FMN1: variants seen among roughly 807,000 people sequenced by gnomAD.
The protein encoded by FMN1 is formin 1.
A neutral mutation model predicts 132.4 loss-of-function variants in FMN1; 110 were observed. That is an observed-to-expected ratio of 0.83 (90% CI 0.71 to 0.97). The LOEUF (loss-of-function observed/expected upper bound fraction) is 0.97. Ranked by LOEUF, FMN1 falls within the 50% of genes least tolerant of loss-of-function variation. The pLI is 0.00. For synonymous variants in FMN1, 722 were observed against 651.7 expected (o/e 1.11, Z -1.64); for missense variants, 1,792 against 1,705.3 (o/e 1.05, Z -0.90).
intron 4 of FMN1, among the ~76,000 whole-genome samples, chr15:33,124,848 A>AT (rs56689144): frequency 9.2e-4 from 135 of 146,858 alleles, no homozygotes; most frequent in African/African-American, 1.9e-3. Context: ...ATTTTTCTGC[A>AT]TTTTTTTTTT....
chr15:32,858,055 CCATAAAGATATCAT>C (rs1479218632), intron 16 of FMN1, among the ~76,000 whole-genome samples: 1 of 152,174 alleles, frequency 6.6e-6, no homozygotes, highest in Non-Finnish European at 1.5e-5. Context: ...CTGGATTTCA[CCATAAAGATATCAT>C]GCCACCTGGG....
At chr15:33,011,793 A>T (rs760241059) in intron 6 of FMN1, among the ~76,000 whole-genome samples, 13 of 152,196 alleles carry the variant, frequency 8.5e-5, no homozygotes, top group Admixed American at 8.5e-4. Flanking sequence ...AAAAAGCATC[A>T]ACAGGCGCTC....
rs569942155 is a variant in FMN1 at position 33,110,788 on chromosome 15, CTGT to C, written c.1868-21817_1868-21815del. Among the ~76,000 whole-genome samples the C allele has an allele frequency of 1.2e-3, 178 of 151,450 alleles. 1 individual carries two copies. In the Middle Eastern group the frequency reaches 0.017, roughly 15 times the overall value. Reference sequence around the variant, plus strand: ...TTTGCTATTCCTTTAGCCATTTTCTCTGTTATTAAAACAAAAATAAGAACAACT... The same window carrying C: ...TTTGCTATTCCTTTAGCCATTTTCTCTATTAAAACAAAAATAAGAACAACT... On this transcript the variant is annotated intron_variant, in intron 4 of 20. Transcript: ENST00000616417.
chr15:33,067,579 T>C (rs2037803071), intron 5 of FMN1: 3 of 1,613,898 alleles, frequency 1.9e-6, no homozygotes, highest in Admixed American at 1.7e-5. Flanking sequence ...CCTCTGATTC[T>C]GTCTCCACGC....
rs750275479 is a variant in FMN1, at chr15:32,855,157, T to TAA, written c.3928+1856_3928+1857dup. On this transcript the variant is annotated intron_variant, in intron 17 of 20. Transcript: ENST00000616417. ...TTCCACACTGGAATTACGTGGAGAG[T>TAA]AAAAAAAAAAAAAAAAAAAAAAAAA... Among the ~76,000 whole-genome samples, 144 of 85,486 alleles carry TAA rather than the reference T, an allele frequency of 1.7e-3. 1 individual carries two copies. The highest frequency in any genetic ancestry group is 2.6e-3 in the African/African-American group (64 of 24,772). The allele number at this position is 85,486 out of a possible 152,430, so 56.1% of individuals were successfully genotyped here.
chr15:32,968,884 A>C lies in FMN1; in HGVS notation c.2817T>G (p.Pro939=). The change falls in exon 8 of 21, where the codon CCT becomes CCG. Residue 939 remains proline (P), a synonymous_variant. Coordinates refer to ENST00000616417, the MANE Select transcript of FMN1 (RefSeq NM_001277313.2). ...PLPNSPAPPN[P]GGPPPAPPPP... is the part of the protein sequence containing the mutation. ...GTGGTGGAGCAGGAGGAGGCCCTCC[A>C]GGGTTGGGTGGGGCAGGGGAGTTAG... 1 of 338,242 alleles carries C rather than the reference A, an allele frequency of 3.0e-6. No homozygotes were observed. Among genetic ancestry groups the C allele is most frequent in the Non-Finnish European group, 4.5e-6 (1 of 221,976 alleles). 21.0% of individuals were successfully genotyped at this position (338,242 alleles called of 1,614,324 possible).
chr15:32,869,253 A>G (rs557329110), intron 16 of FMN1, among the ~76,000 whole-genome samples: 1 of 148,764 alleles, frequency 6.7e-6, no homozygotes, highest in South Asian at 2.1e-4. Flanking sequence ...TGCGTAGGGG[A>G]GAAAAGCTTC....
At chr15:33,007,024 CT>C (rs765823816) in intron 7 of FMN1, among the ~76,000 whole-genome samples, 145 of 152,196 alleles carry the variant, frequency 9.5e-4, no homozygotes, top group Non-Finnish European at 9.1e-4. Flanking sequence ...TTATTGTATA[CT>C]TTAAAATTTC....
intron 17 of FMN1, among the ~76,000 whole-genome samples, chr15:32,853,188 C>T (rs1171697921): frequency 6.6e-6 from 1 of 152,134 alleles, no homozygotes; most frequent in Non-Finnish European, 1.5e-5. Context: ...TTATCATTGC[C>T]ATCATTATTA....
intron 5 of FMN1, among the ~76,000 whole-genome samples, chr15:33,075,018 C>A (rs1282055242): frequency 2.8e-5 from 1 of 35,514 alleles, no homozygotes; most frequent in South Asian, 1.8e-3. Flanking sequence ...AAGATTCCAT[C>A]TCAAAAAAAA....
intron 11 of FMN1, among the ~76,000 whole-genome samples, chr15:32,909,862 T>C (rs968573860): frequency 2.7e-5 from 4 of 149,048 alleles, no homozygotes; most frequent in Non-Finnish European, 4.4e-5. Flanking sequence ...CTGCTACATA[T>C]ATTAAATCCT....
intron 6 of FMN1, among the ~76,000 whole-genome samples, chr15:33,057,210 G>T (rs2037257855): frequency 6.6e-6 from 1 of 152,118 alleles, no homozygotes; most frequent in South Asian, 2.1e-4. Flanking sequence ...TATAGTATTA[G>T]AAGTTAGGAT....
intron 7 of FMN1, among the ~76,000 whole-genome samples, chr15:33,006,651 A>G (rs2034433840): frequency 6.6e-6 from 1 of 152,216 alleles, no homozygotes; most frequent in Non-Finnish European, 1.5e-5. Flanking sequence ...GTGTCCATCA[A>G]TGGACAAATG....
chr15:33,119,620 C>T (rs1051897714), intron 4 of FMN1, among the ~76,000 whole-genome samples: 1 of 152,190 alleles, frequency 6.6e-6, no homozygotes, highest in African/African-American at 2.4e-5. Flanking sequence ...TATTTTCTTT[C>T]TCTTTCAAGG....
intron 16 of FMN1, among the ~76,000 whole-genome samples, chr15:32,867,084 C>G (rs1433538245): frequency 6.6e-6 from 1 of 152,218 alleles, no homozygotes; most frequent in Non-Finnish European, 1.5e-5. Flanking sequence ...CCCACAGTTT[C>G]ACCTCCTACG....
At chr15:32,792,670 T>C (rs1307961886) in intron 19 of FMN1, among the ~76,000 whole-genome samples, 1 of 152,134 alleles carries the variant, frequency 6.6e-6, no homozygotes, top group Non-Finnish European at 1.5e-5. Context: ...TGTATGGCCA[T>C]GAGACTAAGT....
chr15:33,027,185 G>A lies in FMN1; in HGVS notation c.2162-19110C>T, dbSNP rs1469202366. On this transcript the variant is annotated intron_variant, in intron 6 of 20. Transcript: ENST00000616417. ...GTACACAGGCCAGAAAATACGGACA[G>A]CACTCTGGTCTTCTAGTCCAGAAGC... Among the ~76,000 whole-genome samples the A allele has an allele frequency of 2.6e-5, 4 of 152,108 alleles. No individual in the cohort carries two copies. In the East Asian group the frequency reaches 7.7e-4, roughly 29 times the overall value.
intron 16 of FMN1, among the ~76,000 whole-genome samples, chr15:32,870,683 T>G (rs747806924): frequency 8.5e-5 from 13 of 152,172 alleles, no homozygotes; most frequent in Non-Finnish European, 1.5e-4. Context: ...TGCGAGACAT[T>G]AGCATGAAAC....
At position 33,145,471 on chromosome 15, in the gene FMN1, A is replaced by G. The variant is rs543586968; in HGVS notation, c.1867+7577T>C. Among the ~76,000 whole-genome samples, 3 of 151,572 alleles carry G rather than the reference A, an allele frequency of 2.0e-5. No individual in the cohort carries two copies. In the East Asian group the frequency reaches 5.8e-4, roughly 29 times the overall value. Reference sequence around the variant, plus strand: ...GTCCTAAAGAAATTTTAGTAACATTACTCTTTAAATTTTCACACTGCTTTT... The same window carrying G: ...GTCCTAAAGAAATTTTAGTAACATTGCTCTTTAAATTTTCACACTGCTTTT... On this transcript the variant is annotated intron_variant, in intron 4 of 20. Transcript: ENST00000616417.
Sources: allele counts gnomAD v4.1 joint callset (sites outside exome capture counted in the v4.1 genomes callset), GRCh38; gene constraint gnomAD v4.1.1; transcripts MANE v1.5; gene names NCBI Gene and HGNC (gene_info 2026-07-23, HGNC 2026-07-21).